The following GSE1 variants were observed in gnomAD, a reference collection of about 807,000 sequenced individuals.
GSE1 encodes Gse1 coiled-coil protein.
Under a neutral mutation model 112.6 loss-of-function variants are expected in GSE1, and 32 were observed. The observed-to-expected ratio is 0.28, with a 90% CI of 0.21 to 0.38. The LOEUF (loss-of-function observed/expected upper bound fraction) is 0.38, where lower values mean the gene tolerates loss of function less well. Among genes scored for constraint, GSE1 ranks in the 10% least tolerant of loss-of-function variants. The pLI is 1.00. For missense variants in GSE1, 2,348 were observed against 1,699.2 expected, an observed-to-expected ratio of 1.38 and a Z score of -6.71; for synonymous variants, 1,115 against 735.6, an observed-to-expected ratio of 1.52 and a Z score of -8.35.
chr16:85,480,906 G>A (rs889188763), intron 2 of GSE1, among the ~76,000 whole-genome samples: 1 of 152,222 alleles, frequency 6.6e-6, no homozygotes, highest in African/African-American at 2.4e-5. Flanking sequence ...GCTCCACGCT[G>A]AGCAAGCACC....
At chr16:85,351,399 C>CA (rs2046847633) in intron 1 of GSE1, among the ~76,000 whole-genome samples, 1 of 152,152 alleles carries the variant, frequency 6.6e-6, no homozygotes, top group African/African-American at 2.4e-5. Flanking sequence ...GAAGGCAGCA[C>CA]AAAAGGCCAC....
intron 2 of GSE1, among the ~76,000 whole-genome samples, chr16:85,469,122 G>A (rs1054758028): frequency 1.3e-5 from 2 of 152,132 alleles, no homozygotes; most frequent in Non-Finnish European, 2.9e-5. Context: ...TGGGTGTGGT[G>A]ACACGGGCCT....
intron 2 of GSE1, among the ~76,000 whole-genome samples, chr16:85,486,312 C>T (rs1464073348): frequency 1.3e-5 from 1 of 79,486 alleles, no homozygotes; most frequent in Admixed American, 1.1e-4. Context: ...CACGTACGCA[C>T]ACTCCTGCTC....
At chr16:85,667,236 A>G (rs570383734) in intron 13 of GSE1, among the ~76,000 whole-genome samples, 36 of 152,342 alleles carry the variant, frequency 2.4e-4, no homozygotes, top group African/African-American at 8.4e-4. Context: ...TTTCTGCCTT[A>G]TTCTGACCTT....
intron 2 of GSE1, among the ~76,000 whole-genome samples, chr16:85,412,727 G>A (rs1349052777): frequency 2.0e-5 from 3 of 149,010 alleles, no homozygotes; most frequent in Non-Finnish European, 4.5e-5. Flanking sequence ...GTTACTCTCA[G>A]GCCCCCCGGA....
chr16:85,346,675 G>T (rs1183563972), intron 1 of GSE1, among the ~76,000 whole-genome samples: 5 of 151,796 alleles, frequency 3.3e-5, no homozygotes, highest in African/African-American at 1.2e-4. Flanking sequence ...ATGGATGGAT[G>T]ATGGGTGGAT....
intron 1 of GSE1, among the ~76,000 whole-genome samples, chr16:85,305,934 AC>A (rs2045665606): frequency 6.6e-6 from 1 of 152,124 alleles, no homozygotes; most frequent in African/African-American, 2.4e-5. Flanking sequence ...TACTAAAAAT[AC>A]AAAAATTAGC....
chr16:85,253,289 C>T (rs2144043449), intron 1 of GSE1, among the ~76,000 whole-genome samples: 1 of 152,278 alleles, frequency 6.6e-6, no homozygotes, highest in Admixed American at 6.5e-5. Context: ...AGTCTGCAAC[C>T]CCGCTTGCTT....
intron 1 of GSE1, among the ~76,000 whole-genome samples, chr16:85,187,668 AC>A (rs1239726540): frequency 6.6e-6 from 1 of 152,102 alleles, no homozygotes; most frequent in Non-Finnish European, 1.5e-5. Context: ...CCTCGCCCCC[AC>A]CTGCTCCTAC....
intron 2 of GSE1, among the ~76,000 whole-genome samples, chr16:85,509,332 G>C (rs969041183): frequency 2.8e-4 from 42 of 152,324 alleles, no homozygotes; most frequent in Non-Finnish European, 5.7e-4. Context: ...GTCTTCAGAG[G>C]CTGCCTGAGT....
intron 1 of GSE1, among the ~76,000 whole-genome samples, chr16:85,561,497 A>G (rs993947613): frequency 4.6e-5 from 7 of 151,774 alleles, no homozygotes; most frequent in African/African-American, 1.7e-4. Flanking sequence ...CCCCAGCCCC[A>G]CACTGAACTC....
chr16:85,241,170 T>C (rs1905137276), intron 1 of GSE1, among the ~76,000 whole-genome samples: 1 of 151,810 alleles, frequency 6.6e-6, no homozygotes, highest in Admixed American at 6.6e-5. Flanking sequence ...TGGGCTCGGC[T>C]GCGTGACCTT....
At chr16:85,651,560 G>A (rs1381888118) in intron 3 of GSE1, among the ~76,000 whole-genome samples, 2 of 152,196 alleles carry the variant, frequency 1.3e-5, no homozygotes, top group Non-Finnish European at 2.9e-5. Context: ...GGCGGCTGGG[G>A]CCCTGTGCTT....
intron 2 of GSE1, among the ~76,000 whole-genome samples, chr16:85,642,002 C>A (rs1019769666): frequency 3.3e-5 from 5 of 152,250 alleles, no homozygotes; most frequent in African/African-American, 9.6e-5. Flanking sequence ...CAGACACAGG[C>A]TCTGTGGACC....
chr16:85,663,556 AAAG>A lies in GSE1; in HGVS notation c.2593_2595del (p.Lys865del), dbSNP rs1450756808. 4 of 1,613,954 alleles carry A rather than the reference AAAG, an allele frequency of 2.5e-6. No homozygotes were observed. Among genetic ancestry groups the A allele is most frequent in the Non-Finnish European group, 2.5e-6 (3 of 1,180,006 alleles). On this transcript the variant is annotated inframe_deletion, in exon 11 of 16. Transcript: ENST00000253458. The stretch of plus-strand genomic sequence containing the variant: ...TGAACAACAGTCCCAACTTCGAAGA[AAAG>A]AAGAAGTTCCTGACCATCTTCAACC...
At chr16:85,256,868 A>C (rs1012084364) in intron 1 of GSE1, among the ~76,000 whole-genome samples, 5 of 152,258 alleles carry the variant, frequency 3.3e-5, no homozygotes, top group African/African-American at 1.2e-4. Context: ...GCAACGCAAA[A>C]TTCAGTTCCT....
At chr16:85,310,995 A>C (rs1042135273) in intron 1 of GSE1, among the ~76,000 whole-genome samples, 3 of 152,246 alleles carry the variant, frequency 2.0e-5, no homozygotes, top group Non-Finnish European at 2.9e-5. Flanking sequence ...AGGCAGGAGC[A>C]GTTTGAGGCT....
Position 85,419,538 on chromosome 16 carries a change from C to G in GSE1, c.2464+61895C>G, listed in dbSNP as rs544677974. Among the ~76,000 whole-genome samples, 1 of 151,128 alleles carries G rather than the reference C, an allele frequency of 6.6e-6. No homozygotes were observed. The highest frequency in any genetic ancestry group is 2.4e-5 in the African/African-American group (1 of 41,028). ...GGAGGATCGCCTGACCCTGGGAAAT[C>G]GAGGCTGCAGTGAGCCATGACTGCA... is the stretch of plus-strand genomic sequence containing the variant. On this transcript the variant is annotated intron_variant, in intron 2 of 2. Coordinates refer to the GSE1 transcript ENST00000637419. This position sits in a 1 kb window ranked among gnomAD's most constrained non-coding sequence, Gnocchi z 6.5.
chr16:85,374,543 T>C (rs531158229), intron 2 of GSE1, among the ~76,000 whole-genome samples: 45 of 148,542 alleles, frequency 3.0e-4, no homozygotes, highest in African/African-American at 1.0e-3. Context: ...TGTGTGTGTG[T>C]GCGCGCGCGC....
Sources: gnomAD v4.1 joint callset for allele counts (sites outside exome capture counted in the v4.1 genomes callset) on GRCh38, gnomAD v4.1.1 for gene constraint, Gnocchi (gnomAD v3.1) non-coding constraint, MANE v1.5 for transcripts, NCBI Gene and HGNC (gene_info 2026-07-23, HGNC 2026-07-21) for gene names.